Variants in PDE8A observed in about 807,000 individuals in gnomAD.
The protein encoded by PDE8A is high affinity cAMP-specific and IBMX-insensitive 3',5'-cyclic phosphodiesterase 8A.
In PDE8A, 59 loss-of-function variants were observed where a neutral mutation model predicts 105.0. That is an observed-to-expected ratio of 0.56 (90% CI 0.46 to 0.70). The LOEUF (loss-of-function observed/expected upper bound fraction) is 0.70, where lower values mean the gene tolerates loss of function less well. PDE8A is among the 30% of genes least tolerant of loss of function. The pLI is 0.00. For missense variants in PDE8A, 1,014 were observed against 1,045.9 expected (o/e 0.97, Z 0.42); for synonymous variants, 355 against 371.9 (o/e 0.95, Z 0.52).
intron 9 of PDE8A, among the ~76,000 whole-genome samples, chr15:85,099,115 G>A (rs893353216): frequency 6.6e-6 from 1 of 152,214 alleles, no homozygotes; most frequent in Admixed American, 6.5e-5. Flanking sequence ...TGTAGTAACC[G>A]CTGTTGTTTA....
chr15:84,991,402 A>G (rs1026411189), intron 1 of PDE8A, among the ~76,000 whole-genome samples: 1 of 152,254 alleles, frequency 6.6e-6, no homozygotes, highest in African/African-American at 2.4e-5. Context: ...CTCATTGGGG[A>G]AATGCAAATT....
At chr15:84,999,470 C>A (rs1253862572) in intron 1 of PDE8A, among the ~76,000 whole-genome samples, 1 of 152,144 alleles carries the variant, frequency 6.6e-6, no homozygotes, top group Non-Finnish European at 1.5e-5. Context: ...ATTCAGCAAA[C>A]CTTTGGTGCT....
intron 1 of PDE8A, among the ~76,000 whole-genome samples, chr15:85,015,579 A>G (rs1369511303): frequency 6.6e-6 from 1 of 152,178 alleles, no homozygotes; most frequent in African/African-American, 2.4e-5. Flanking sequence ...AGTGTATCAG[A>G]AAGTATTATT....
intron 3 of PDE8A, among the ~76,000 whole-genome samples, chr15:85,073,302 G>C (rs2081338815): frequency 6.6e-6 from 1 of 152,202 alleles, no homozygotes; most frequent in South Asian, 2.1e-4. Context: ...ATGCAAGGAT[G>C]TTATTTTTCA....
At chr15:85,081,927 A>G (rs2081473220) in intron 5 of PDE8A, among the ~76,000 whole-genome samples, 1 of 152,100 alleles carries the variant, frequency 6.6e-6, no homozygotes, top group Admixed American at 6.6e-5. Context: ...GTGGAAATGG[A>G]TAAATACACA....
rs189053166 is a variant in PDE8A at position 85,095,815 on chromosome 15, C to T, written c.853-2133C>T. Reference sequence around the variant, plus strand: ...TGGCCTGTTAGCCTTGACTTGGGATCGCTCAGTCACCCAAGTCTATTCAGA... The same window carrying T: ...TGGCCTGTTAGCCTTGACTTGGGATTGCTCAGTCACCCAAGTCTATTCAGA... On this transcript the variant is annotated intron_variant, in intron 8 of 21. Transcript: ENST00000394553. Among the ~76,000 whole-genome samples, 344 of 151,502 alleles carry T rather than the reference C, an allele frequency of 2.3e-3. 2 individuals are homozygous for T. Among genetic ancestry groups the T allele is most frequent in the Non-Finnish European group, 3.7e-3 (249 of 67,884 alleles).
chr15:85,014,933 T>A (rs1234560247), intron 1 of PDE8A, among the ~76,000 whole-genome samples: 1 of 152,160 alleles, frequency 6.6e-6, no homozygotes, highest in Non-Finnish European at 1.5e-5. Context: ...CCTGCCCCTT[T>A]ACCCGCTACA....
chr15:85,128,052 CAAAAAAAAAAAAA>C (rs61221393), intron 20 of PDE8A, among the ~76,000 whole-genome samples: 2 of 57,250 alleles, frequency 3.5e-5, no homozygotes, highest in African/African-American at 1.1e-4. Flanking sequence ...TATTCCTATG[CAAAAAAAAAAAAA>C]AAAAAAAAGA....
At chr15:85,082,345 T>G (rs1041856152) in intron 5 of PDE8A, among the ~76,000 whole-genome samples, 1 of 152,164 alleles carries the variant, frequency 6.6e-6, no homozygotes, top group African/African-American at 2.4e-5. Context: ...TTCTTTACAT[T>G]TATGCAGCAG....
chr15:85,096,110 C>CAGCCTCCCAAAGTGCTGGGATCACGCCT (rs2081746386), intron 8 of PDE8A, among the ~76,000 whole-genome samples: 1 of 151,820 alleles, frequency 6.6e-6, no homozygotes, highest in Non-Finnish European at 1.5e-5. Context: ...CTCTTGACCT[C>CAGCCTCCCAAAGTGCTGGGATCACGCCT]GTGATCCACT....
At chr15:85,008,664 C>G (rs896385128) in intron 1 of PDE8A, among the ~76,000 whole-genome samples, 1 of 152,158 alleles carries the variant, frequency 6.6e-6, no homozygotes, top group African/African-American at 2.4e-5. Context: ...TCGGCCAAAC[C>G]CTTTTCTGAC....
At chr15:85,097,301 G>A (rs2081771712) in intron 8 of PDE8A, among the ~76,000 whole-genome samples, 1 of 152,174 alleles carries the variant, frequency 6.6e-6, no homozygotes, top group South Asian at 2.1e-4. Flanking sequence ...CTTGTTCTGT[G>A]TAGCCCTCTT....
chr15:85,063,085 T>C (rs2081170750), intron 1 of PDE8A: 2 of 151,740 alleles, frequency 1.3e-5, no homozygotes, highest in Non-Finnish European at 2.9e-5. Flanking sequence ...TCTAGAATAT[T>C]AGGGACCCTC....
chr15:85,109,480 A>C (rs1474347226), intron 12 of PDE8A, among the ~76,000 whole-genome samples: 1 of 152,246 alleles, frequency 6.6e-6, no homozygotes, highest in African/African-American at 2.4e-5. Flanking sequence ...GCAGTTTGCC[A>C]TGGAAACTTT....
chr15:85,044,328 C>T (rs1432390739), intron 1 of PDE8A, among the ~76,000 whole-genome samples: 1 of 150,852 alleles, frequency 6.6e-6, no homozygotes, highest in Non-Finnish European at 1.5e-5. Context: ...CTGTTTAAAT[C>T]GACTGATGGG....
intron 1 of PDE8A, among the ~76,000 whole-genome samples, chr15:85,009,377 A>C (rs2080204386): frequency 6.6e-6 from 1 of 152,222 alleles, no homozygotes; most frequent in African/African-American, 2.4e-5. Flanking sequence ...AGACCAACAA[A>C]ATACTATTCC....
chr15:85,098,361 G>T (rs1251760204), intron 9 of PDE8A, among the ~76,000 whole-genome samples: 1 of 152,068 alleles, frequency 6.6e-6, no homozygotes, highest in East Asian at 1.9e-4. Flanking sequence ...ATATTGAAAA[G>T]ATTTTTTATC....
intron 9 of PDE8A, among the ~76,000 whole-genome samples, chr15:85,098,820 G>A (rs2081804743): frequency 6.6e-6 from 1 of 152,076 alleles, no homozygotes; most frequent in Admixed American, 6.6e-5. Context: ...AATTAGCTAG[G>A]TGTGGTGACA....
chr15:85,087,490 G>A (rs779580736), intron 6 of PDE8A, among the ~76,000 whole-genome samples: 8 of 152,178 alleles, frequency 5.3e-5, no homozygotes, highest in Non-Finnish European at 1.2e-4. Flanking sequence ...GTGATCCACC[G>A]TGCCTGGCCA....
Sources: allele counts gnomAD v4.1 joint callset (sites outside exome capture counted in the v4.1 genomes callset), GRCh38; gene constraint gnomAD v4.1.1; transcripts MANE v1.5; gene names NCBI Gene and HGNC (gene_info 2026-07-23, HGNC 2026-07-21).